The following PGD variants were observed in gnomAD, a reference collection of about 807,000 sequenced individuals.
The protein encoded by PGD is 6-phosphogluconate dehydrogenase, decarboxylating.
Under a neutral mutation model 60.4 loss-of-function variants are expected in PGD, and 21 were observed. The ratio of observed to expected loss-of-function variants is 0.35; its 90% CI spans 0.25 to 0.50. The LOEUF is 0.50. Among genes scored for constraint, PGD ranks in the 20% least tolerant of loss-of-function variants. The probability of loss-of-function intolerance (pLI) is 0.98; values close to 1 mark genes in which losing one functional copy is unlikely to be tolerated. For missense variants in PGD, 477 were observed against 613.1 expected (o/e 0.78, Z 2.34); for synonymous variants, 230 against 235.9 (o/e 0.97, Z 0.23).
In PGD at chr1:10,418,895, C is replaced by G. The variant is rs572852737; in HGVS notation, c.1179C>G (p.Asp393Glu). 2.5e-6 allele frequency: 4 copies of G among 1,611,130 alleles called. No individual in the cohort carries two copies. The South Asian group carries it at 4.4e-5, about 18-fold the overall frequency. Residue 393 changes from aspartate to glutamate, a missense_variant, in exon 11 of 13, where the codon GAC becomes GAG. Asp to Glu is a conservative substitution (Grantham distance 45, BLOSUM62 2). Coordinates refer to ENST00000270776, the MANE Select transcript of PGD (RefSeq NM_002631.4). ...NPELQNLLLD[D>E]FFKSAVENCQ... is the part of the protein sequence containing the mutation. ...AACTTCAGAACCTCCTACTGGACGA[C>G]TTCTTTAAGTCAGCTGTTGAAAACT...
intron 3 of PGD, among the ~76,000 whole-genome samples, chr1:10,401,055 A>C (rs560437000): frequency 3.9e-5 from 6 of 152,214 alleles, no homozygotes; most frequent in African/African-American, 1.4e-4. Flanking sequence ...AAATATAAAA[A>C]TTAGCTGGGC....
At chr1:10,406,378 TG>T (rs1407350228) in intron 5 of PGD, among the ~76,000 whole-genome samples, 1 of 151,046 alleles carries the variant, frequency 6.6e-6, no homozygotes, top group Non-Finnish European at 1.5e-5. Flanking sequence ...AGCAAGACCC[TG>T]TTTCTTAAGA....
intron 5 of PGD, among the ~76,000 whole-genome samples, chr1:10,405,914 C>T (rs1251800252): frequency 1.3e-5 from 2 of 152,046 alleles, no homozygotes; most frequent in African/African-American, 2.4e-5. Context: ...AGTGCAGTGG[C>T]GCGATCTCTG....
At chr1:10,405,380 C>G (rs1361069253) in intron 5 of PGD, among the ~76,000 whole-genome samples, 1 of 116,782 alleles carries the variant, frequency 8.6e-6, no homozygotes, top group Non-Finnish European at 1.8e-5. Flanking sequence ...AAAAACAAAA[C>G]AAAACAAAAC....
rs70997229 is a variant in PGD, at chr1:10,420,389, CTTTTTTTTTTTTTTTT to C, written c.*649_*664del. Among the ~76,000 whole-genome samples, 3 of 75,060 alleles carry C rather than the reference CTTTTTTTTTTTTTTTT, an allele frequency of 4.0e-5. No homozygotes were observed. Among genetic ancestry groups the C allele is most frequent in the Non-Finnish European group, 7.3e-5 (3 of 40,848 alleles). The allele number at this position is 75,060 out of a possible 152,430, so 49.2% of individuals were successfully genotyped here. A position where few individuals can be genotyped will look rare whatever the true frequency, so the allele number is the denominator to read the frequency against. ...CACTGTAACGTGCTTTTTCTTTCGT[CTTTTTTTTTTTTTTTT>C]TTTTTTTTGCTCCTGGCAAGCTGTG... On this transcript the variant is annotated 3_prime_UTR_variant, in exon 13 of 13. Transcript: ENST00000270776.
At chr1:10,406,747 T>C (rs1368331779) in intron 5 of PGD, among the ~76,000 whole-genome samples, 3 of 152,176 alleles carry the variant, frequency 2.0e-5, no homozygotes, top group Non-Finnish European at 2.9e-5. Context: ...AAGAGTAATA[T>C]ATCCGCGTGC....
chr1:10,400,662 T>TC, intron 3 of PGD, 90 bp downstream of exon 3: 2 of 1,040,182 alleles, frequency 1.9e-6, no homozygotes, highest in Admixed American at 2.9e-5. Flanking sequence ...TCTAGAGATT[T>TC]TTTTTTTTCA....
At chr1:10,399,259 C>G in intron 1 of PGD, 134 bp downstream of exon 1, 1 of 1,051,538 alleles carries the variant, frequency 9.5e-7, no homozygotes. Flanking sequence ...CTCTGTGACC[C>G]TGGCCCTACG....
chr1:10,400,257 G>A, intron 2 of PGD, 136 bp from the exon 3 acceptor site: 1 of 644,990 alleles, frequency 1.6e-6, no homozygotes, highest in Non-Finnish European at 2.7e-6. Flanking sequence ...GCCTCCCACA[G>A]CTGGGGGAAG....
At chr1:10,404,457 A>C (rs904968351) in intron 5 of PGD, among the ~76,000 whole-genome samples, 178 bp downstream of exon 5, 9 of 151,734 alleles carry the variant, frequency 5.9e-5, no homozygotes, top group African/African-American at 2.2e-4. Flanking sequence ...ATATGTGCAC[A>C]ATCCTCTTTT....
chr1:10,410,995 C>A (rs886955386), intron 6 of PGD, among the ~76,000 whole-genome samples: 1 of 151,146 alleles, frequency 6.6e-6, no homozygotes, highest in African/African-American at 2.4e-5. Flanking sequence ...TGAAAAAAAA[C>A]AAGTGATTTA....
rs761406421 is a variant in PGD, at chr1:10,418,867, C to T, written c.1151C>T (p.Pro384Leu). The change falls in exon 11 of 13, where the codon CCG (proline) becomes CTG (leucine). Residue 384 changes from proline to leucine, a missense_variant. Physicochemically the swap from Pro to Leu is moderately conservative, Grantham distance 98. Coordinates refer to ENST00000270776, the MANE Select transcript of PGD (RefSeq NM_002631.4). ...GKIKDAFDRNPELQNLLLDDF... is the reference protein window; with the variant it reads ...GKIKDAFDRNLELQNLLLDDF... Reference sequence around the variant, plus strand: ...ATAAAGGATGCATTTGATCGAAACCCGGAACTTCAGAACCTCCTACTGGAC... The same window carrying T: ...ATAAAGGATGCATTTGATCGAAACCTGGAACTTCAGAACCTCCTACTGGAC... 37 of 1,612,180 alleles carry T rather than the reference C, an allele frequency of 2.3e-5. No individual in the cohort carries two copies. Among genetic ancestry groups the T allele is most frequent in the African/African-American group, 2.7e-5 (2 of 74,942 alleles).
chr1:10,416,635 G>T (rs942473688), intron 8 of PGD, among the ~76,000 whole-genome samples: 6 of 152,192 alleles, frequency 3.9e-5, no homozygotes, highest in Non-Finnish European at 7.3e-5. Context: ...AGGGAGATAG[G>T]GGTGGGGCCA....
At chr1:10,417,561 A>G (rs376234452) in intron 10 of PGD, 52 bp downstream of exon 10, 2 of 1,554,748 alleles carry the variant, frequency 1.3e-6, no homozygotes, top group Non-Finnish European at 1.7e-6. Context: ...ACGGCTGTGC[A>G]GAAGTGCGAT....
intron 7 of PGD, chr1:10,412,741 T>A: frequency 1.3e-5 from 3 of 237,812 alleles, no homozygotes; most frequent in Non-Finnish European, 1.6e-5. Context: ...GAACGAAGAG[T>A]AAACTGGGAC....
chr1:10,410,057 G>T (rs1018530236), intron 6 of PGD, among the ~76,000 whole-genome samples: 2 of 152,200 alleles, frequency 1.3e-5, no homozygotes, highest in East Asian at 3.9e-4. Context: ...CTTAGTTCAT[G>T]GCTGAAGTGG....
At chr1:10,402,346 A>G (rs1193038440) in intron 3 of PGD, among the ~76,000 whole-genome samples, 1 of 152,000 alleles carries the variant, frequency 6.6e-6, no homozygotes, top group East Asian at 2.0e-4. Flanking sequence ...TTGGGATTAC[A>G]GGTGTGAGCC....
chr1:10,399,848 G>C (rs569228522), intron 2 of PGD, 144 bp downstream of exon 2: 1 of 720,768 alleles, frequency 1.4e-6, no homozygotes, highest in Non-Finnish European at 2.4e-6. Flanking sequence ...GTATGGAAAG[G>C]AGAAGCACCC....
At chr1:10,402,542 A>T (rs1343912618) in intron 3 of PGD, among the ~76,000 whole-genome samples, 2 of 150,306 alleles carry the variant, frequency 1.3e-5, no homozygotes, top group Admixed American at 6.6e-5. Context: ...TTTTTTTTTG[A>T]GACGGGGTCT....
Sources: allele counts gnomAD v4.1 joint callset (sites outside exome capture counted in the v4.1 genomes callset), GRCh38; gene constraint gnomAD v4.1.1; transcripts MANE v1.5; gene names NCBI Gene and HGNC (gene_info 2026-07-23, HGNC 2026-07-21).